Variants in LPIN2 observed in about 807,000 individuals in gnomAD.
The protein encoded by LPIN2 is lipin 2.
Under a neutral mutation model 111.4 loss-of-function variants are expected in LPIN2, and 55 were observed. The observed-to-expected ratio is 0.49, with a 90% CI of 0.40 to 0.62. The LOEUF (loss-of-function observed/expected upper bound fraction) is 0.62, where lower values mean the gene tolerates loss of function less well. Ranked by LOEUF, LPIN2 falls within the 20% of genes least tolerant of loss-of-function variation. The probability of loss-of-function intolerance (pLI) is 0.00; values close to 1 mark genes in which losing one functional copy is unlikely to be tolerated. For synonymous variants in LPIN2, 425 were observed against 414.0 expected (o/e 1.03, Z -0.32); for missense variants, 992 against 1,112.1 (o/e 0.89, Z 1.54).
At chr18:2,974,373 C>T (rs1257517175) in intron 1 of LPIN2, among the ~76,000 whole-genome samples, 1 of 152,200 alleles carries the variant, frequency 6.6e-6, no homozygotes, top group Non-Finnish European at 1.5e-5. Context: ...GCCACCGCGC[C>T]TGGGCTTCTA....
chr18:2,921,737 C>A (rs1958066870), intron 17 of LPIN2, 90 bp from the exon 18 acceptor site: 1 of 892,424 alleles, frequency 1.1e-6, no homozygotes, highest in Non-Finnish European at 1.8e-6. Flanking sequence ...CACAACCACC[C>A]AATTTCTTCA....
chr18:2,966,771 C>T (rs1490068684), intron 1 of LPIN2, among the ~76,000 whole-genome samples: 4 of 152,196 alleles, frequency 2.6e-5, no homozygotes, highest in Non-Finnish European at 4.4e-5. Flanking sequence ...TTAACCCTCC[C>T]GCTGGACCAT....
At chr18:2,993,046 G>A (rs888575030) in intron 1 of LPIN2, among the ~76,000 whole-genome samples, 2 of 151,864 alleles carry the variant, frequency 1.3e-5, no homozygotes, top group African/African-American at 4.8e-5. Flanking sequence ...CTCAGAGGCT[G>A]AGGTGGGAGG....
At position 2,925,115 on chromosome 18, in the gene LPIN2, C is replaced by T. The variant is rs1265070713; in HGVS notation, c.1938+109G>A. On this transcript the variant is annotated intron_variant, in intron 14 of 19. Transcript: ENST00000677752. The surrounding 1 kb of genome is among the most constrained non-coding windows in gnomAD (Gnocchi z 4.1). ...TGGATAGGCATTGACACGACCATGC[C>T]GTGTGGCGTGTATGCAGCTGGGGAC... The T allele has an allele frequency of 3.6e-6, 5 of 1,391,054 alleles. No individual in the cohort carries two copies. The highest frequency in any genetic ancestry group is 2.8e-5 in the African/African-American group (2 of 70,624). The allele number at this position is 1,391,054 out of a possible 1,614,324, so 86.2% of individuals were successfully genotyped here. A position where few individuals can be genotyped will look rare whatever the true frequency, so the allele number is the denominator to read the frequency against.
At position 2,917,198 on chromosome 18, in the gene LPIN2, G is replaced by A. The variant is rs1053648403; in HGVS notation, c.*3095C>T. Reference sequence around the variant, plus strand: ...ATAATCAAATACTTCATCATAGGCTGAACATAATTATTAAAAGAGCAAAGT... The same window carrying A: ...ATAATCAAATACTTCATCATAGGCTAAACATAATTATTAAAAGAGCAAAGT... On this transcript the variant is annotated 3_prime_UTR_variant, in exon 20 of 20. Coordinates refer to ENST00000677752, the MANE Select transcript of LPIN2 (RefSeq NM_001375808.2). 1.3e-5 allele frequency: 2 copies of A among 152,196 alleles called. No homozygotes were observed. The highest frequency in any genetic ancestry group is 4.8e-5 in the African/African-American group (2 of 41,454). 9.4% of individuals were successfully genotyped at this position (152,196 alleles called of 1,614,324 possible).
chr18:2,992,631 T>C (rs1230564309), intron 1 of LPIN2, among the ~76,000 whole-genome samples: 3 of 152,080 alleles, frequency 2.0e-5, no homozygotes, highest in African/African-American at 7.2e-5. Flanking sequence ...TGGGCAGATC[T>C]TGAGTTCCAG....
chr18:2,983,990 A>C (rs1168919604), intron 1 of LPIN2, among the ~76,000 whole-genome samples: 1 of 152,200 alleles, frequency 6.6e-6, no homozygotes, highest in African/African-American at 2.4e-5. Flanking sequence ...TCATTCCTTT[A>C]AAGTATTTAG....
At chr18:2,999,751 G>A (rs968051658) in intron 1 of LPIN2, among the ~76,000 whole-genome samples, 2 of 152,198 alleles carry the variant, frequency 1.3e-5, no homozygotes, top group Non-Finnish European at 2.9e-5. Context: ...CAGCAGCTAG[G>A]AGAGGACGCT....
chr18:2,985,711 G>A (rs2078177902), intron 1 of LPIN2, among the ~76,000 whole-genome samples: 1 of 152,014 alleles, frequency 6.6e-6, no homozygotes, highest in Non-Finnish European at 1.5e-5. Flanking sequence ...AAACTTTCTA[G>A]CTAGAATTTG....
In LPIN2 at chr18:2,925,035, C is replaced by T. The variant is rs939356801; in HGVS notation, c.1938+189G>A. Reference sequence around the variant, plus strand: ...GGGGTGGGTGGCAGGACCCAAGCCACAGGTTCCCCAGGTGGGCCTGATAGC... The same window carrying T: ...GGGGTGGGTGGCAGGACCCAAGCCATAGGTTCCCCAGGTGGGCCTGATAGC... On this transcript the variant is annotated intron_variant, in intron 14 of 19. Transcript: ENST00000677752. The surrounding 1 kb of genome is among the most constrained non-coding windows in gnomAD (Gnocchi z 4.1). Among the ~76,000 whole-genome samples, 16 of 152,176 alleles carry T rather than the reference C, an allele frequency of 1.1e-4. No homozygotes were observed. The highest frequency in any genetic ancestry group is 2.2e-4 in the Non-Finnish European group (15 of 68,036).
rs2077314668 is a variant in LPIN2, at chr18:2,938,006, GGAT to G, written c.851_853del (p.His284del). On this transcript the variant is annotated inframe_deletion, in exon 7 of 20. Transcript: ENST00000677752. ...TGATGGTGTAATTGTAGCTGTCCTA[GGAT>G]GATGGTCAGATCGTTCTCTTTTGCT... is the stretch of plus-strand genomic sequence containing the variant. 6.8e-6 allele frequency: 11 copies of G among 1,614,032 alleles called. No individual in the cohort carries two copies. In the East Asian group the frequency reaches 2.5e-4, roughly 36 times the overall value.
chr18:2,996,289 G>A (rs1443313470), intron 1 of LPIN2, among the ~76,000 whole-genome samples: 2 of 151,634 alleles, frequency 1.3e-5, no homozygotes, highest in Admixed American at 6.6e-5. Context: ...GCAGTGAGCC[G>A]AGATCGCACC....
intron 1 of LPIN2, among the ~76,000 whole-genome samples, chr18:3,002,022 A>C (rs1161882011): frequency 6.6e-6 from 1 of 152,146 alleles, no homozygotes; most frequent in Non-Finnish European, 1.5e-5. Context: ...GGTATGTCTC[A>C]TTAGTAAGAC....
intron 1 of LPIN2, among the ~76,000 whole-genome samples, chr18:3,012,696 C>G (rs2078627522): frequency 6.6e-6 from 1 of 151,876 alleles, no homozygotes; most frequent in South Asian, 2.1e-4. Flanking sequence ...CCGCACTCCC[C>G]TCCGCGCCCC....
intron 1 of LPIN2, among the ~76,000 whole-genome samples, chr18:2,965,030 T>C (rs1432724013): frequency 6.6e-6 from 1 of 152,152 alleles, no homozygotes; most frequent in African/African-American, 2.4e-5. Context: ...TGCTACACAG[T>C]GTATGTAATA....
chr18:2,957,488 C>T (rs1304097967), intron 2 of LPIN2, among the ~76,000 whole-genome samples: 1 of 152,194 alleles, frequency 6.6e-6, no homozygotes, highest in African/African-American at 2.4e-5. Context: ...ATAAGGGATA[C>T]TCAACCTGTA....
intron 11 of LPIN2, 85 bp downstream of exon 11, chr18:2,928,506 T>C: frequency 7.6e-7 from 1 of 1,308,684 alleles, no homozygotes; most frequent in Non-Finnish European, 1.1e-6. Flanking sequence ...TAGTACCCAG[T>C]TCAGAAATAT....
chr18:2,982,817 T>A, intron 1 of LPIN2: 1 of 893,106 alleles, frequency 1.1e-6, no homozygotes, highest in Non-Finnish European at 1.6e-6. Context: ...AGGTATATAA[T>A]CAAAACAGAA....
rs187829214 is a variant in LPIN2, at chr18:2,937,606, G to A, written c.1168+86C>T. ...GTTTCGACTGGTGAATACAAATACA[G>A]AGGCAGCCATCACGTTATGTGGAAC... On this transcript the variant is annotated intron_variant, in intron 7 of 19. Transcript: ENST00000677752. 5.0e-5 allele frequency: 45 copies of A among 904,374 alleles called. No individual in the cohort carries two copies. In the African/African-American group the frequency reaches 7.6e-4, roughly 15 times the overall value. 56.0% of individuals were successfully genotyped at this position (904,374 alleles called of 1,614,324 possible). A position where few individuals can be genotyped will look rare whatever the true frequency, so the allele number is the denominator to read the frequency against.
Sources: gnomAD v4.1 joint callset for allele counts (sites outside exome capture counted in the v4.1 genomes callset) on GRCh38, gnomAD v4.1.1 for gene constraint, Gnocchi (gnomAD v3.1) non-coding constraint, MANE v1.5 for transcripts, NCBI Gene and HGNC (gene_info 2026-07-23, HGNC 2026-07-21) for gene names.